Variants in TRNAU1AP observed in about 807,000 individuals in gnomAD.
TRNAU1AP encodes tRNA selenocysteine 1-associated protein 1.
In TRNAU1AP, 33 loss-of-function variants were observed where a neutral mutation model predicts 43.3. That is an observed-to-expected ratio of 0.76 (90% CI 0.58 to 1.02). The LOEUF is 1.02. Ranked by LOEUF, TRNAU1AP falls within the 50% of genes least tolerant of loss-of-function variation. TRNAU1AP has a pLI of 0.00. For synonymous variants in TRNAU1AP, 143 were observed against 129.1 expected, an observed-to-expected ratio of 1.11 and a Z score of -0.73; for missense variants, 290 against 362.7, an observed-to-expected ratio of 0.80 and a Z score of 1.63.
chr1:28,560,638 C>T lies in TRNAU1AP; in HGVS notation c.131C>T (p.Pro44Leu). 1 of 1,613,266 alleles carries T rather than the reference C, an allele frequency of 6.2e-7. No individual in the cohort carries two copies. Among genetic ancestry groups the T allele is most frequent in the Non-Finnish European group, 8.5e-7 (1 of 1,179,648 alleles). ...KIIRNRLTGIPAGYCFVEFAD... is the reference protein window; with the variant it reads ...KIIRNRLTGILAGYCFVEFAD... Reference sequence around the variant, plus strand: ...TCTATTTGCTTTTTTTCCAGGATCCCAGCTGGCTACTGCTTTGTAGAATTT... The same window carrying T: ...TCTATTTGCTTTTTTTCCAGGATCCTAGCTGGCTACTGCTTTGTAGAATTT... The change falls in exon 3 of 9, where the codon CCA becomes CTA. Residue 44 changes from proline (P) to leucine (L), a missense_variant. This residue lies in a region of TRNAU1AP where 174 missense variants were observed against 262.1 expected (regional missense o/e 0.66). Transcript: ENST00000373830.
At chr1:28,553,182 T>C in intron 1 of TRNAU1AP, 45 bp downstream of exon 1, 1 of 1,460,322 alleles carries the variant, frequency 6.8e-7, no homozygotes, top group Non-Finnish European at 9.1e-7. Flanking sequence ...AGGAAGCATC[T>C]CGGTTTCGCG....
intron 8 of TRNAU1AP, among the ~76,000 whole-genome samples, chr1:28,576,724 C>T (rs985300766): frequency 2.6e-5 from 4 of 152,272 alleles, no homozygotes; most frequent in Non-Finnish European, 4.4e-5. Context: ...CTCAGCCTCC[C>T]GAGTAGTTGG....
In TRNAU1AP at chr1:28,564,724, G is replaced by C; in HGVS notation, c.300G>C (p.Val100=). Residue 100 remains valine (V), a synonymous_variant, in exon 5 of 9, where the codon GTG becomes GTC. Transcript: ENST00000373830. The part of the protein sequence containing the change: ...PDNSPEYSLF[V]GDLTPDVDDG... ...TCAGCCCTGAGTATTCCCTCTTTGT[G>C]GGGGACCTGACCCCGGACGTGGATG... The C allele has an allele frequency of 3.1e-6, 5 of 1,613,978 alleles. No homozygotes were observed. The highest frequency in any genetic ancestry group is 4.2e-6 in the Non-Finnish European group (5 of 1,179,964).
At chr1:28,576,879 A>T (rs570499270) in intron 8 of TRNAU1AP, among the ~76,000 whole-genome samples, 1 of 152,322 alleles carries the variant, frequency 6.6e-6, no homozygotes, top group African/African-American at 2.4e-5. Flanking sequence ...GATTATGGGC[A>T]TGAGCCACTG....
intron 2 of TRNAU1AP, among the ~76,000 whole-genome samples, chr1:28,556,053 C>T (rs909968701): frequency 1.3e-5 from 2 of 152,062 alleles, no homozygotes; most frequent in Admixed American, 1.3e-4. Flanking sequence ...TGGGGTTTCA[C>T]CATGTTAGCC....
intron 5 of TRNAU1AP, 65 bp downstream of exon 5, chr1:28,564,899 GTGTTTTAGAAAGGCCC>G (rs1173329838): frequency 6.2e-7 from 1 of 1,604,036 alleles, no homozygotes; most frequent in African/African-American, 1.3e-5. Context: ...CTGAGTGGAG[GTGTTTTAGAAAGGCCC>G]TGCAGCATGG....
At position 28,578,125 on chromosome 1, in the gene TRNAU1AP, T is replaced by C. The variant is rs1364670642; in HGVS notation, c.*489T>C. 1 of 158,910 alleles carries C rather than the reference T, an allele frequency of 6.3e-6. No homozygotes were observed. The highest frequency in any genetic ancestry group is 1.4e-5 in the Non-Finnish European group (1 of 72,204). 9.8% of individuals were successfully genotyped at this position (158,910 alleles called of 1,614,324 possible). Reference sequence around the variant, plus strand: ...CCAGAAGGTAGAATGTGGTGGGGTGTGATGGAACAGGCCAGTTGGCCTAAG... The same window carrying C: ...CCAGAAGGTAGAATGTGGTGGGGTGCGATGGAACAGGCCAGTTGGCCTAAG... On this transcript the variant is annotated 3_prime_UTR_variant, in exon 9 of 9. Coordinates refer to ENST00000373830, the MANE Select transcript of TRNAU1AP (RefSeq NM_017846.5).
chr1:28,561,590 C>T, intron 4 of TRNAU1AP, among the ~76,000 whole-genome samples, 192 bp downstream of exon 4: 1 of 152,186 alleles, frequency 6.6e-6, no homozygotes, highest in South Asian at 2.1e-4. Context: ...TTGGTCCCTG[C>T]CCCTGGCTTC....
chr1:28,574,276 C>T (rs1356552734), intron 8 of TRNAU1AP, among the ~76,000 whole-genome samples: 1 of 152,024 alleles, frequency 6.6e-6, no homozygotes, highest in East Asian at 1.9e-4. Flanking sequence ...TTAGTAGAGA[C>T]AGGGTTTCAG....
At chr1:28,577,444 AG>A (rs1426722801) in intron 8 of TRNAU1AP, 55 bp from the exon 9 acceptor site, 1 of 1,590,472 alleles carries the variant, frequency 6.3e-7, no homozygotes, top group African/African-American at 1.3e-5. Context: ...GAACTGAACC[AG>A]GTCCCTTGCA....
At chr1:28,573,093 G>A (rs1665697149) in intron 8 of TRNAU1AP, among the ~76,000 whole-genome samples, 1 of 136,980 alleles carries the variant, frequency 7.3e-6, no homozygotes, top group South Asian at 2.2e-4. Context: ...GGAATGCAGT[G>A]GCGCAATCTC....
chr1:28,558,100 G>A (rs1235677178), intron 2 of TRNAU1AP, among the ~76,000 whole-genome samples: 1 of 140,422 alleles, frequency 7.1e-6, no homozygotes, highest in African/African-American at 2.7e-5. Flanking sequence ...GTAGAGACAG[G>A]GTTTCACCAT....
chr1:28,565,487 TA>T (rs61222018), intron 5 of TRNAU1AP: 40,669 of 133,932 alleles, frequency 0.3, 5,651 homozygotes, highest in Middle Eastern at 0.39. Context: ...TCTGTCTCCA[TA>T]AAAAAAAAAA....
intron 4 of TRNAU1AP, 68 bp from the exon 5 acceptor site, chr1:28,564,635 T>C (rs1665496385): frequency 4.5e-6 from 7 of 1,558,412 alleles, no homozygotes; most frequent in East Asian, 2.3e-5. Context: ...ACCTGGAATA[T>C]GCAAAAGAGC....
intron 8 of TRNAU1AP, among the ~76,000 whole-genome samples, chr1:28,574,077 CTTTTTT>C (rs1178078009): frequency 2.4e-5 from 3 of 124,154 alleles, no homozygotes; most frequent in African/African-American, 9.4e-5. Flanking sequence ...GACCCCATCT[CTTTTTT>C]TTTTTTTTTT....
chr1:28,564,850 T>A lies in TRNAU1AP; in HGVS notation c.410+16T>A. The A allele has an allele frequency of 6.2e-7, 1 of 1,613,788 alleles. No individual in the cohort carries two copies. The highest frequency in any genetic ancestry group is 1.3e-5 in the African/African-American group (1 of 75,046). On this transcript the variant is annotated intron_variant, in intron 5 of 8. Transcript: ENST00000373830. ...GCGTGTCTAAGTAAGGCCTTACTTG[T>A]TACTGATGCTTAACTGTGTTAGTTT...
intron 8 of TRNAU1AP, among the ~76,000 whole-genome samples, chr1:28,576,466 CT>C (rs1665783579): frequency 6.8e-6 from 1 of 146,738 alleles, no homozygotes; most frequent in South Asian, 2.2e-4. Context: ...CTACAGGTGC[CT>C]GCCACCACGC....
chr1:28,555,416 GTTC>G (rs1408738148), intron 2 of TRNAU1AP, among the ~76,000 whole-genome samples: 6 of 151,318 alleles, frequency 4.0e-5, no homozygotes, highest in Non-Finnish European at 5.9e-5. Context: ...TTGCCTCCAT[GTTC>G]TTCTTTCTCT....
intron 4 of TRNAU1AP, among the ~76,000 whole-genome samples, chr1:28,562,043 A>G (rs1307131404): frequency 1.3e-5 from 2 of 152,206 alleles, no homozygotes; most frequent in Non-Finnish European, 1.5e-5. Context: ...TGATCGTGCC[A>G]CTGCACTCCA....
Sources: allele counts gnomAD v4.1 joint callset (sites outside exome capture counted in the v4.1 genomes callset), GRCh38; gene constraint gnomAD v4.1.1; regional missense constraint gnomAD v4.1.1; transcripts MANE v1.5; gene names NCBI Gene and HGNC (gene_info 2026-07-23, HGNC 2026-07-21).